Variants in VPS13B observed in about 807,000 individuals in gnomAD.
VPS13B encodes the protein vacuolar protein sorting 13 homolog B.
A neutral mutation model predicts 426.4 loss-of-function variants in VPS13B; 285 were observed. That is an observed-to-expected ratio of 0.67 (90% CI 0.61 to 0.74). VPS13B has a LOEUF of 0.74. Among genes scored for constraint, VPS13B ranks in the 30% least tolerant of loss-of-function variants. The pLI is 0.00. For synonymous variants in VPS13B, 1,676 were observed against 1,676.4 expected (o/e 1.00, Z 0.01); for missense variants, 4,537 against 4,782.6 (o/e 0.95, Z 1.51).
chr8:99,178,729 C>T (rs1454178437), intron 16 of VPS13B, among the ~76,000 whole-genome samples: 1 of 152,062 alleles, frequency 6.6e-6, no homozygotes, highest in Non-Finnish European at 1.5e-5. Context: ...TCAAGCGATT[C>T]TCCTGCCTCA....
chr8:99,237,105 CCTT>C (rs1192909993), intron 17 of VPS13B, among the ~76,000 whole-genome samples: 1 of 152,170 alleles, frequency 6.6e-6, no homozygotes, highest in Non-Finnish European at 1.5e-5. Flanking sequence ...ACTTGCTCCT[CCTT>C]GCCTTCCCCC....
intron 17 of VPS13B, among the ~76,000 whole-genome samples, chr8:99,244,863 GACAC>G (rs916683595): frequency 6.6e-6 from 1 of 152,160 alleles, no homozygotes. Context: ...ACTGAAGATA[GACAC>G]ACACAAAGTT....
chr8:99,854,366 C>A, intron 56 of VPS13B, 110 bp downstream of exon 56: 2 of 1,179,448 alleles, frequency 1.7e-6, no homozygotes, highest in Non-Finnish European at 2.4e-6. Context: ...CAAGAGGTGA[C>A]ACACCTGAGC....
chr8:99,083,413 T>A (rs573930751), intron 3 of VPS13B, among the ~76,000 whole-genome samples: 27 of 152,320 alleles, frequency 1.8e-4, no homozygotes, highest in Admixed American at 1.3e-3. Context: ...CAGGGACAAT[T>A]TGACTTCCCC....
intron 16 of VPS13B, among the ~76,000 whole-genome samples, chr8:99,170,725 G>A (rs1251389874): frequency 6.6e-6 from 1 of 151,594 alleles, no homozygotes; most frequent in Non-Finnish European, 1.5e-5. Flanking sequence ...CAGAAAGAAA[G>A]CCAGTAGTTA....
At chr8:99,786,801 A>G (rs1175625953) in intron 43 of VPS13B, among the ~76,000 whole-genome samples, 2 of 152,276 alleles carry the variant, frequency 1.3e-5, no homozygotes, top group East Asian at 3.9e-4. Context: ...TCTGTATGCT[A>G]ATGTAAGTGG....
chr8:99,305,654 T>A (rs181418020), intron 19 of VPS13B, among the ~76,000 whole-genome samples: 9 of 152,228 alleles, frequency 5.9e-5, no homozygotes. Context: ...AATGTTTACT[T>A]TTAGGCATAT....
Position 99,854,129 on chromosome 8 carries a change from G to C in VPS13B, c.10740G>C (p.Leu3580=). The part of the protein sequence containing the change: ...LLVSIHASLK[L]YIASDHTPLS... ...TCAGCATCCACGCTTCCCTCAAGCT[G>C]TACATAGCCTCAGACCACACTCCTC... Residue 3580 remains leucine, a synonymous_variant, in exon 56 of 62, where the codon CTG becomes CTC. Transcript: ENST00000357162. The C allele has an allele frequency of 1.2e-6, 2 of 1,613,780 alleles. No individual in the cohort carries two copies. The highest frequency in any genetic ancestry group is 1.7e-6 in the Non-Finnish European group (2 of 1,179,954).
chr8:99,702,203 C>G (rs1588637725), intron 36 of VPS13B, among the ~76,000 whole-genome samples: 1 of 152,210 alleles, frequency 6.6e-6, no homozygotes, highest in East Asian at 1.9e-4. Flanking sequence ...TTGTAGTTTT[C>G]AAGTAACATT....
chr8:99,180,515 A>G (rs1344513151), intron 16 of VPS13B, among the ~76,000 whole-genome samples: 1 of 152,186 alleles, frequency 6.6e-6, no homozygotes, highest in East Asian at 1.9e-4. Flanking sequence ...AAGAAAAATT[A>G]TGGCCAATGG....
intron 20 of VPS13B, among the ~76,000 whole-genome samples, chr8:99,391,071 G>T (rs934011101): frequency 1.2e-4 from 19 of 152,046 alleles, no homozygotes; most frequent in African/African-American, 4.3e-4. Context: ...ATATTAACAT[G>T]TACATAATCA....
intron 19 of VPS13B, among the ~76,000 whole-genome samples, chr8:99,312,832 C>G (rs1821084552): frequency 6.6e-6 from 1 of 152,238 alleles, no homozygotes; most frequent in South Asian, 2.1e-4. Context: ...GGTCTTTTCA[C>G]ATAGTCCCAT....
chr8:99,665,232 G>A (rs1038243247), intron 35 of VPS13B, among the ~76,000 whole-genome samples: 6 of 152,144 alleles, frequency 3.9e-5, no homozygotes. Flanking sequence ...TTTGTCAGAT[G>A]AGTAGGTTGC....
At chr8:99,723,020 C>T (rs904006515) in intron 39 of VPS13B, among the ~76,000 whole-genome samples, 3 of 152,114 alleles carry the variant, frequency 2.0e-5, no homozygotes, top group African/African-American at 7.2e-5. Context: ...TAAGATAGTA[C>T]ATTTACTAGT....
chr8:99,740,578 G>A (rs978985978), intron 39 of VPS13B, among the ~76,000 whole-genome samples: 2 of 152,172 alleles, frequency 1.3e-5, no homozygotes, highest in African/African-American at 4.8e-5. Context: ...AGAGAGAAAG[G>A]TCAGATTACT....
intron 21 of VPS13B, among the ~76,000 whole-genome samples, chr8:99,409,175 A>G (rs1196486330): frequency 6.6e-6 from 1 of 152,116 alleles, no homozygotes; most frequent in African/African-American, 2.4e-5. Flanking sequence ...TGCTGATGAC[A>G]TATCATGAGT....
At chr8:99,763,243 A>G (rs1247133865) in intron 39 of VPS13B, among the ~76,000 whole-genome samples, 1 of 151,806 alleles carries the variant, frequency 6.6e-6, no homozygotes, top group African/African-American at 2.4e-5. Flanking sequence ...TCCAAAGTTC[A>G]TACTTTCAAC....
At chr8:99,027,795 G>A (rs1452247929) in intron 2 of VPS13B, among the ~76,000 whole-genome samples, 1 of 151,340 alleles carries the variant, frequency 6.6e-6, no homozygotes, top group Non-Finnish European at 1.5e-5. Flanking sequence ...CGCAGAGGGG[G>A]ATTTGGCAGG....
At chr8:99,036,598 C>A (rs1481164741) in intron 2 of VPS13B, among the ~76,000 whole-genome samples, 1 of 152,058 alleles carries the variant, frequency 6.6e-6, no homozygotes, top group Non-Finnish European at 1.5e-5. Flanking sequence ...ATGTTCTAAT[C>A]CAGAAAGCCA....
Sources: allele counts gnomAD v4.1 joint callset (sites outside exome capture counted in the v4.1 genomes callset), GRCh38; gene constraint gnomAD v4.1.1; transcripts MANE v1.5; gene names NCBI Gene and HGNC (gene_info 2026-07-23, HGNC 2026-07-21).